Variants in FADS6 observed in about 807,000 individuals in gnomAD.
The protein encoded by FADS6 is fatty acid desaturase domain family, member 6.
In FADS6, 28 loss-of-function variants were observed where a neutral mutation model predicts 31.7. That is an observed-to-expected ratio of 0.88 (90% confidence interval 0.66 to 1.21). The LOEUF is 1.21. Ranked by LOEUF, FADS6 falls within the 50% of genes most tolerant of loss-of-function variation. The probability of loss-of-function intolerance (pLI) is 0.00; values close to 1 mark genes in which losing one functional copy is unlikely to be tolerated. For synonymous variants in FADS6, 191 were observed against 213.1 expected (o/e 0.90, Z 0.90); for missense variants, 494 against 504.2 (o/e 0.98, Z 0.19).
chr17:74,881,454 T>G (rs2038568252), intron 3 of FADS6, among the ~76,000 whole-genome samples, 199 bp from the exon 4 acceptor site: 2 of 152,042 alleles, frequency 1.3e-5, no homozygotes, highest in South Asian at 4.1e-4. Flanking sequence ...ACCCAGCACT[T>G]TGGGAGGCCA....
At chr17:74,892,802 GC>G (rs999778319) in intron 1 of FADS6, 113 bp from the exon 2 acceptor site, 12 of 1,069,988 alleles carry the variant, frequency 1.1e-5, no homozygotes, top group Admixed American at 2.8e-5. Flanking sequence ...GGCTCTGGGG[GC>G]TGCCACTGGC....
intron 2 of FADS6, among the ~76,000 whole-genome samples, chr17:74,889,996 C>T (rs2038671288): frequency 6.6e-6 from 1 of 151,954 alleles, no homozygotes; most frequent in Non-Finnish European, 1.5e-5. Context: ...AGGACCAGGC[C>T]CTCCATTAAG....
chr17:74,875,970 G>A (rs2038505089), downstream of FADS6, among the ~76,000 whole-genome samples: 1 of 152,220 alleles, frequency 6.6e-6, no homozygotes, highest in Non-Finnish European at 1.5e-5. Context: ...AGCACCCCAG[G>A]CTAGCAACAG....
At chr17:74,888,230 A>C (rs2038651322) in intron 2 of FADS6, among the ~76,000 whole-genome samples, 1 of 151,682 alleles carries the variant, frequency 6.6e-6, no homozygotes, top group Non-Finnish European at 1.5e-5. Flanking sequence ...AGATAAATGT[A>C]ACTATTGCGT....
intron 2 of FADS6, among the ~76,000 whole-genome samples, chr17:74,888,152 A>G (rs138000767): frequency 0.59 from 72,262 of 122,496 alleles, 20,441 homozygotes; most frequent in Admixed American, 0.65. Flanking sequence ...ACACACACAC[A>G]CACGCGCGCG....
chr17:74,878,751 A>C (rs970057817), intron 5 of FADS6, among the ~76,000 whole-genome samples: 5 of 152,170 alleles, frequency 3.3e-5, no homozygotes, highest in African/African-American at 1.2e-4. Flanking sequence ...CCTTTTACCA[A>C]GCACCTACCA....
At position 74,879,547 on chromosome 17, in the gene FADS6, G is replaced by C; in HGVS notation, c.817C>G (p.Pro273Ala). ...GLPMFSRDNK[P>A]RRIHMMSLGV... Reference sequence around the variant, plus strand: ...AGGCTCATCATGTGAATCCGACGGGGCTTGTTGTCCCGGGAGAACATGGGC... The same window carrying C: ...AGGCTCATCATGTGAATCCGACGGGCCTTGTTGTCCCGGGAGAACATGGGC... The change falls in exon 5 of 6, where the codon CCC becomes GCC. Residue 273 changes from proline to alanine, a missense_variant. This residue lies in a region of FADS6 where 454 missense variants were observed against 438.5 expected (regional missense o/e 1.04). Coordinates refer to ENST00000612771, the MANE Select transcript of FADS6 (RefSeq NM_178128.6). 6.2e-7 allele frequency: 1 copy of C among 1,613,270 alleles called. No homozygotes were observed. Among genetic ancestry groups the C allele is most frequent in the Non-Finnish European group, 8.5e-7 (1 of 1,179,820 alleles).
In FADS6 at chr17:74,882,019, T is replaced by G. The variant is rs186582797; in HGVS notation, c.592+511A>C. ...GGTGAGATCTCGGCTCACTGCAACC[T>G]CCGCCTCCTGGGTTCAAGTGATTCT... On this transcript the variant is annotated intron_variant, in intron 3 of 5. Coordinates refer to ENST00000612771, the MANE Select transcript of FADS6 (RefSeq NM_178128.6). 9.9e-5 allele frequency among the ~76,000 whole-genome samples: 15 copies of G among 150,790 alleles called. No individual in the cohort carries two copies. In the East Asian group the frequency reaches 2.7e-3, roughly 28 times the overall value.
At chr17:74,885,230 A>G (rs1446711543) in intron 2 of FADS6, among the ~76,000 whole-genome samples, 1 of 151,922 alleles carries the variant, frequency 6.6e-6, no homozygotes, top group Non-Finnish European at 1.5e-5. Context: ...CTCTCACACC[A>G]ACAGAACTAC....
chr17:74,879,935 C>G (rs2038549680), intron 4 of FADS6, among the ~76,000 whole-genome samples: 1 of 152,192 alleles, frequency 6.6e-6, no homozygotes, highest in African/African-American at 2.4e-5. Context: ...CAGTCAAGAT[C>G]CTACTCATCA....
At chr17:74,888,157 C>CGCGCGCGT (rs2038648507) in intron 2 of FADS6, among the ~76,000 whole-genome samples, 1 of 108,912 alleles carries the variant, frequency 9.2e-6, no homozygotes, top group African/African-American at 6.0e-5. Context: ...CACACACACG[C>CGCGCGCGT]GCGCGCGCGC....
chr17:74,881,888 G>C (rs1349590405), intron 3 of FADS6, among the ~76,000 whole-genome samples: 4 of 151,960 alleles, frequency 2.6e-5, no homozygotes, highest in Non-Finnish European at 5.9e-5. Flanking sequence ...TAGCTCTCCT[G>C]ATATCAAAGC....
At chr17:74,876,550 A>C, downstream of FADS6, among the ~76,000 whole-genome samples, 1 of 152,146 alleles carries the variant, frequency 6.6e-6, no homozygotes, top group Non-Finnish European at 1.5e-5. Context: ...TAATCCTAGC[A>C]CTTTGGGAGG....
At chr17:74,887,777 C>T (rs545069065) in intron 2 of FADS6, among the ~76,000 whole-genome samples, 1 of 152,190 alleles carries the variant, frequency 6.6e-6, no homozygotes, top group Non-Finnish European at 1.5e-5. Flanking sequence ...CCTCCGCCTC[C>T]CGGGTTCAAG....
At chr17:74,875,635 G>T (rs1307768252), downstream of FADS6, among the ~76,000 whole-genome samples, 1 of 152,240 alleles carries the variant, frequency 6.6e-6, no homozygotes, top group African/African-American at 2.4e-5. Flanking sequence ...TTAATCATGA[G>T]CCAGGACTGT....
In FADS6 at chr17:74,892,531, A is replaced by G. The variant is rs746991404; in HGVS notation, c.403T>C (p.Phe135Leu). The G allele has an allele frequency of 6.2e-7, 1 of 1,612,614 alleles. No individual in the cohort carries two copies. The highest frequency in any genetic ancestry group is 8.5e-7 in the Non-Finnish European group (1 of 1,179,310). The change falls in exon 2 of 6, where the codon TTT becomes CTT. Residue 135 changes from phenylalanine (F) to leucine (L), a missense_variant. Physicochemically the swap from Phe to Leu is conservative, Grantham distance 22. Transcript: ENST00000612771. Reference protein sequence around the residue: ...KRWSKIWLLFFVEVCTAFTAE... With the variant: ...KRWSKIWLLFLVEVCTAFTAE... The stretch of plus-strand genomic sequence containing the variant: ...CCTTCTCCCAGGCTCACCTCCACAA[A>G]GAAAAGCAGCCAGATCTTGCTCCAG...
At chr17:74,887,223 A>G (rs2038632773) in intron 2 of FADS6, among the ~76,000 whole-genome samples, 1 of 151,990 alleles carries the variant, frequency 6.6e-6, no homozygotes, top group Non-Finnish European at 1.5e-5. Context: ...AGCTTGGACT[A>G]CAGGTGCACA....
intron 4 of FADS6, among the ~76,000 whole-genome samples, chr17:74,880,262 G>T (rs1455690971): frequency 6.6e-6 from 1 of 152,142 alleles, no homozygotes; most frequent in Non-Finnish European, 1.5e-5. Context: ...CTCGGGGCAG[G>T]CACTAGGGGC....
At position 74,884,303 on chromosome 17, in the gene FADS6, C is replaced by A. The variant is rs531639028; in HGVS notation, c.412-1593G>T. 9.5e-4 allele frequency among the ~76,000 whole-genome samples: 145 copies of A among 152,252 alleles called. 1 individual carries two copies. The highest frequency in any genetic ancestry group is 3.0e-3 in the African/African-American group (123 of 41,544). On this transcript the variant is annotated intron_variant, in intron 2 of 5. Transcript: ENST00000612771. ...CTTGCACCTGGAGACTTGTACGCTC[C>A]CTGAGCAAGACTGACAGGTGTAGCA...
Sources: allele counts gnomAD v4.1 joint callset (sites outside exome capture counted in the v4.1 genomes callset), GRCh38; gene constraint gnomAD v4.1.1; regional missense constraint gnomAD v4.1.1; transcripts MANE v1.5; gene names NCBI Gene and HGNC (gene_info 2026-07-23, HGNC 2026-07-21).